Variants in MCTP1 observed in about 807,000 individuals in gnomAD.
MCTP1 encodes the protein multiple C2 and transmembrane domain-containing protein 1.
MCTP1 carries 69 observed loss-of-function variants against 120.6 expected under a neutral mutation model. The ratio of observed to expected loss-of-function variants is 0.57; its 90% CI spans 0.47 to 0.70. The LOEUF (loss-of-function observed/expected upper bound fraction) is 0.70, where lower values mean the gene tolerates loss of function less well. Ranked by LOEUF, MCTP1 falls within the 30% of genes least tolerant of loss-of-function variation. The pLI is 0.00. For synonymous variants in MCTP1, 529 were observed against 493.1 expected (o/e 1.07, Z -0.96); for missense variants, 1,203 against 1,248.8 (o/e 0.96, Z 0.55).
At chr5:95,277,270 A>G (rs1382731618) in intron 1 of MCTP1, among the ~76,000 whole-genome samples, 1 of 152,086 alleles carries the variant, frequency 6.6e-6, no homozygotes. Context: ...GGAGCACAAT[A>G]TGGCAGCCAC....
chr5:94,736,032 T>C (rs1196847882), intron 19 of MCTP1, among the ~76,000 whole-genome samples: 1 of 152,208 alleles, frequency 6.6e-6, no homozygotes, highest in Non-Finnish European at 1.5e-5. Flanking sequence ...ATTATGTATG[T>C]CCATGTGTAC....
intron 2 of MCTP1, among the ~76,000 whole-genome samples, chr5:94,983,262 T>C (rs1006534840): frequency 2.0e-5 from 3 of 152,176 alleles, no homozygotes; most frequent in Admixed American, 6.5e-5. Flanking sequence ...AACCTAACTA[T>C]ACCATGCACA....
At chr5:94,922,997 CAA>C (rs202245253) in intron 7 of MCTP1, among the ~76,000 whole-genome samples, 7,691 of 98,834 alleles carry the variant, frequency 0.078, 192 homozygotes, top group Middle Eastern at 0.12. Flanking sequence ...TAAAAAGCTG[CAA>C]AAAAAAAAAA....
At chr5:95,002,910 T>C (rs1456417573) in intron 2 of MCTP1, among the ~76,000 whole-genome samples, 3 of 152,186 alleles carry the variant, frequency 2.0e-5, no homozygotes, top group Non-Finnish European at 4.4e-5. Flanking sequence ...AATCTCATCT[T>C]GAAATGTAAT....
At chr5:95,218,582 T>C (rs1024782735) in intron 1 of MCTP1, among the ~76,000 whole-genome samples, 43 of 152,224 alleles carry the variant, frequency 2.8e-4, no homozygotes, top group African/African-American at 9.4e-4. Context: ...TTTCTATTCT[T>C]GTTTAAACAG....
chr5:95,277,559 A>T (rs1049789154), intron 1 of MCTP1, among the ~76,000 whole-genome samples: 3 of 152,202 alleles, frequency 2.0e-5, no homozygotes, highest in Non-Finnish European at 2.9e-5. Flanking sequence ...CCATTTATTG[A>T]GTAGTCTTCC....
chr5:94,922,785 G>A (rs867415902), intron 7 of MCTP1, among the ~76,000 whole-genome samples: 3 of 152,114 alleles, frequency 2.0e-5, no homozygotes, highest in Admixed American at 6.5e-5. Context: ...ACCAGGCCCG[G>A]CCAGTGAAAT....
At chr5:94,713,022 C>G (rs982789642) in intron 20 of MCTP1, among the ~76,000 whole-genome samples, 3 of 152,038 alleles carry the variant, frequency 2.0e-5, no homozygotes, top group Non-Finnish European at 4.4e-5. Context: ...TATTTCTACA[C>G]TCTGCATTAT....
intron 1 of MCTP1, 85 bp downstream of exon 1, chr5:95,283,771 G>GC: frequency 3.6e-6 from 4 of 1,107,860 alleles, no homozygotes; most frequent in Non-Finnish European, 3.5e-6. Context: ...CCCGGCCCCC[G>GC]CCCCCCGCTC....
chr5:95,075,078 T>G (rs1753216069), intron 1 of MCTP1, among the ~76,000 whole-genome samples: 1 of 152,258 alleles, frequency 6.6e-6, no homozygotes, highest in Admixed American at 6.5e-5. Flanking sequence ...CCTTGTACTA[T>G]CAACATTTTG....
chr5:95,039,392 C>T (rs1841929213), intron 1 of MCTP1, among the ~76,000 whole-genome samples: 1 of 152,162 alleles, frequency 6.6e-6, no homozygotes, highest in African/African-American at 2.4e-5. Context: ...AACTGAAATG[C>T]TCTCACCTGA....
At chr5:94,890,348 C>T (rs1802306942) in intron 11 of MCTP1, among the ~76,000 whole-genome samples, 1 of 152,090 alleles carries the variant, frequency 6.6e-6, no homozygotes, top group Admixed American at 6.5e-5. Flanking sequence ...ATATAACACT[C>T]TTCAGACTTT....
chr5:94,860,053 T>G (rs543663242), intron 17 of MCTP1, among the ~76,000 whole-genome samples: 1 of 151,756 alleles, frequency 6.6e-6, no homozygotes, highest in Non-Finnish European at 1.5e-5. Flanking sequence ...CATAATATAT[T>G]TACATATTAT....
chr5:95,178,382 C>T (rs1466863934), intron 1 of MCTP1, among the ~76,000 whole-genome samples: 2 of 152,218 alleles, frequency 1.3e-5, no homozygotes, highest in African/African-American at 2.4e-5. Flanking sequence ...CAGAGTCTTG[C>T]TCTGTCGCCC....
chr5:95,024,479 T>C (rs915954722), intron 1 of MCTP1, among the ~76,000 whole-genome samples: 5 of 152,116 alleles, frequency 3.3e-5, no homozygotes, highest in African/African-American at 1.2e-4. Context: ...AAACACCATA[T>C]ATGACAAGTC....
At chr5:95,224,053 T>A (rs919510783) in intron 1 of MCTP1, among the ~76,000 whole-genome samples, 5 of 152,122 alleles carry the variant, frequency 3.3e-5, no homozygotes, top group East Asian at 1.9e-4. Flanking sequence ...GGAAATACAG[T>A]ACAAATAGGG....
intron 7 of MCTP1, 43 bp from the exon 8 acceptor site, chr5:94,918,016 T>C (rs750899631): frequency 2.7e-6 from 4 of 1,489,228 alleles, no homozygotes; most frequent in Admixed American, 1.7e-5. Flanking sequence ...GGAAGCTTTG[T>C]ACCATTCTCA....
At chr5:95,078,011 A>C (rs1251147899) in intron 1 of MCTP1, among the ~76,000 whole-genome samples, 2 of 8,418 alleles carry the variant, frequency 2.4e-4, no homozygotes, top group Non-Finnish European at 7.7e-3. Flanking sequence ...GAACACCTTC[A>C]TTTATCCCTA....
intron 19 of MCTP1, among the ~76,000 whole-genome samples, chr5:94,717,622 C>G (rs1325851105): frequency 3.3e-5 from 5 of 152,036 alleles, no homozygotes; most frequent in Admixed American, 3.3e-4. Flanking sequence ...TCTAGAAAAC[C>G]CTATTGTCTC....
Sources: allele counts gnomAD v4.1 joint callset (sites outside exome capture counted in the v4.1 genomes callset), GRCh38; gene constraint gnomAD v4.1.1; transcripts MANE v1.5; gene names NCBI Gene and HGNC (gene_info 2026-07-23, HGNC 2026-07-21).